The following RXFP1 variants were observed in gnomAD, a reference collection of about 807,000 sequenced individuals.
The protein encoded by RXFP1 is relaxin receptor 1.
In RXFP1, 73 loss-of-function variants were observed where a neutral mutation model predicts 89.8. The observed-to-expected ratio is 0.81, with a 90% CI of 0.67 to 0.99. The LOEUF (loss-of-function observed/expected upper bound fraction) is 0.99. Ranked by LOEUF, RXFP1 falls within the 50% of genes least tolerant of loss-of-function variation. RXFP1 has a pLI of 0.00. For synonymous variants in RXFP1, 277 were observed against 305.5 expected (o/e 0.91, Z 0.97); for missense variants, 793 against 895.5 (o/e 0.89, Z 1.46).
At chr4:158,573,428 C>A (rs141293865) in intron 2 of RXFP1, among the ~76,000 whole-genome samples, 175 of 152,294 alleles carry the variant, frequency 1.1e-3, no homozygotes, top group African/African-American at 3.9e-3. Flanking sequence ...CTGCATGCGG[C>A]CCGGGATGGC....
chr4:158,593,569 A>G, intron 3 of RXFP1, 70 bp downstream of exon 3: 1 of 789,056 alleles, frequency 1.3e-6, no homozygotes, highest in Non-Finnish European at 1.9e-6. Flanking sequence ...GTTTGATTCA[A>G]CATTTTAAAA....
intron 1 of RXFP1, among the ~76,000 whole-genome samples, chr4:158,539,814 A>G (rs28405073): frequency 0.021 from 3,139 of 152,276 alleles, 102 homozygotes; most frequent in African/African-American, 0.072. Flanking sequence ...TCAGACTCTA[A>G]CAGCCTCTAA....
At chr4:158,569,410 A>G (rs559605178) in intron 1 of RXFP1, among the ~76,000 whole-genome samples, 143 of 152,316 alleles carry the variant, frequency 9.4e-4, no homozygotes, top group Non-Finnish European at 1.5e-3. Flanking sequence ...GTGAACTCCA[A>G]TGTAAACTAC....
At chr4:158,612,934 G>A (rs1024146495) in intron 8 of RXFP1, among the ~76,000 whole-genome samples, 17 of 152,114 alleles carry the variant, frequency 1.1e-4, no homozygotes, top group East Asian at 5.8e-4. Context: ...TAAGCACATC[G>A]TTACTGTCTA....
At chr4:158,622,186 C>T (rs1173442978) in intron 9 of RXFP1, among the ~76,000 whole-genome samples, 1 of 152,124 alleles carries the variant, frequency 6.6e-6, no homozygotes, top group Non-Finnish European at 1.5e-5. Flanking sequence ...TGGCAGGCAC[C>T]TGTAATCCCA....
intron 16 of RXFP1, among the ~76,000 whole-genome samples, chr4:158,647,720 A>G (rs1053452784): frequency 2.0e-4 from 30 of 152,050 alleles, no homozygotes; most frequent in African/African-American, 7.0e-4. Flanking sequence ...TATTTTTAAA[A>G]AATTAGCTGG....
intron 9 of RXFP1, among the ~76,000 whole-genome samples, chr4:158,620,619 CAGA>C (rs1765446185): frequency 1.3e-5 from 2 of 151,766 alleles, no homozygotes; most frequent in Admixed American, 1.3e-4. Flanking sequence ...TTTTAAAAGC[CAGA>C]AGGACTATGG....
At chr4:158,560,373 G>A (rs1428416115) in intron 1 of RXFP1, among the ~76,000 whole-genome samples, 1 of 152,154 alleles carries the variant, frequency 6.6e-6, no homozygotes, top group Non-Finnish European at 1.5e-5. Context: ...GGCTCAGATA[G>A]CATGGACTCC....
intron 1 of RXFP1, among the ~76,000 whole-genome samples, chr4:158,522,596 A>C (rs1218301797): frequency 6.6e-6 from 1 of 152,234 alleles, no homozygotes; most frequent in Non-Finnish European, 1.5e-5. Flanking sequence ...TATTTTTACT[A>C]TAATGACAAA....
intron 16 of RXFP1, among the ~76,000 whole-genome samples, chr4:158,647,711 A>G (rs1305509211): frequency 6.6e-6 from 1 of 151,980 alleles, no homozygotes; most frequent in African/African-American, 2.4e-5. Context: ...CTACAAAATT[A>G]TTTTTAAAAA....
At chr4:158,547,789 G>C (rs542952306) in intron 1 of RXFP1, among the ~76,000 whole-genome samples, 3 of 152,106 alleles carry the variant, frequency 2.0e-5, no homozygotes, top group Non-Finnish European at 4.4e-5. Flanking sequence ...CTGAGTTCTA[G>C]TTTGATCGCA....
intron 8 of RXFP1, among the ~76,000 whole-genome samples, chr4:158,616,061 A>G (rs1372696843): frequency 1.3e-5 from 2 of 152,242 alleles, no homozygotes; most frequent in Non-Finnish European, 2.9e-5. Flanking sequence ...TGCTCAATGC[A>G]AGGTTGCCAC....
At chr4:158,570,439 C>A (rs982721525) in intron 1 of RXFP1, among the ~76,000 whole-genome samples, 1 of 152,162 alleles carries the variant, frequency 6.6e-6, no homozygotes, top group African/African-American at 2.4e-5. Flanking sequence ...TATCTTTATT[C>A]TTGCACCCTA....
Position 158,605,069 on chromosome 4 carries a change from T to A in RXFP1, c.394T>A (p.Ser132Thr). ...AATCAAAATTTACATTTATTTCAGG[T>A]CACTTCAGTGGAACTTAATAAGAAA... ...PSVSSNVTAM[S>T]LQWNLIRKLP... Residue 132 changes from serine to threonine, a missense_variant and splice_region_variant, in exon 5 of 18, where the codon TCA becomes ACA. Coordinates refer to ENST00000307765, the MANE Select transcript of RXFP1 (RefSeq NM_021634.4). 6.5e-7 allele frequency: 1 copy of A among 1,543,056 alleles called. No homozygotes were observed. The highest frequency in any genetic ancestry group is 1.2e-5 in the South Asian group (1 of 83,064).
chr4:158,638,043 C>T lies in RXFP1; in HGVS notation c.1007C>T (p.Ala336Val). The T allele has an allele frequency of 3.1e-6, 5 of 1,604,376 alleles. No individual in the cohort carries two copies. The highest frequency in any genetic ancestry group is 4.3e-6 in the Non-Finnish European group (5 of 1,172,284). The part of the protein sequence containing the change: ...LSYNPIQKIQ[A>V]NQFDYLVKLK... ...TATAATCCAATCCAGAAAATTCAAG[C>T]AAACCAATTTGATTATCTTGTCAAA... Residue 336 changes from alanine to valine, a missense_variant, in exon 13 of 18, where the codon GCA (alanine) becomes GTA (valine). By Grantham distance (64) the Ala-to-Val change is moderately conservative (BLOSUM62 0). Coordinates refer to ENST00000307765, the MANE Select transcript of RXFP1 (RefSeq NM_021634.4).
chr4:158,593,361 C>A, intron 2 of RXFP1, 40 bp from the exon 3 acceptor site: 2 of 1,282,600 alleles, frequency 1.6e-6, no homozygotes, highest in South Asian at 1.2e-5. Context: ...CAGAATATCT[C>A]TGTTCCTTGA....
In RXFP1 at chr4:158,633,528, A is replaced by T. The variant is rs770074562; in HGVS notation, c.971+52A>T. 4 of 1,157,530 alleles carry T rather than the reference A, an allele frequency of 3.5e-6. No individual in the cohort carries two copies. The African/African-American group carries it at 6.4e-5, about 18-fold the overall frequency. The allele number at this position is 1,157,530 out of a possible 1,614,324, so 71.7% of individuals were successfully genotyped here. A position where few individuals can be genotyped will look rare whatever the true frequency, so the allele number is the denominator to read the frequency against. On this transcript the variant is annotated intron_variant, in intron 12 of 17. Transcript: ENST00000307765. Reference sequence around the variant, plus strand: ...TCGTTTCTTTATTTTATTATTTTTTAAATTGTAAAATATGCATAACATAAA... The same window carrying T: ...TCGTTTCTTTATTTTATTATTTTTTTAATTGTAAAATATGCATAACATAAA...
intron 1 of RXFP1, among the ~76,000 whole-genome samples, chr4:158,541,577 A>C (rs991525430): frequency 2.6e-5 from 4 of 152,184 alleles, no homozygotes; most frequent in African/African-American, 9.6e-5. Context: ...AATTTCAAAC[A>C]TACACAAAAA....
chr4:158,613,229 G>A (rs1419718284), intron 8 of RXFP1, among the ~76,000 whole-genome samples: 1 of 152,208 alleles, frequency 6.6e-6, no homozygotes, highest in Non-Finnish European at 1.5e-5. Context: ...AATGTTGACA[G>A]CTGCTGACTA....
Sources: gnomAD v4.1 joint callset for allele counts (sites outside exome capture counted in the v4.1 genomes callset) on GRCh38, gnomAD v4.1.1 for gene constraint, MANE v1.5 for transcripts, NCBI Gene and HGNC (gene_info 2026-07-23, HGNC 2026-07-21) for gene names.